The following SEC14L4 variants were observed in gnomAD, a reference collection of about 807,000 sequenced individuals.
SEC14L4 encodes SEC14-like protein 4.
A neutral mutation model predicts 55.1 loss-of-function variants in SEC14L4; 42 were observed. The observed-to-expected ratio is 0.76, with a 90% CI of 0.60 to 0.99. SEC14L4 has a LOEUF of 0.99. Ranked by LOEUF, SEC14L4 falls within the 50% of genes least tolerant of loss-of-function variation. SEC14L4 has a pLI of 0.00. For synonymous variants in SEC14L4, 206 were observed against 206.8 expected (o/e 1.00, Z 0.03); for missense variants, 445 against 512.1 (o/e 0.87, Z 1.27).
At chr22:30,494,520 A>G (rs1474617605) in intron 6 of SEC14L4, among the ~76,000 whole-genome samples, 1 of 152,144 alleles carries the variant, frequency 6.6e-6, no homozygotes, top group Non-Finnish European at 1.5e-5. Context: ...GGCACGTGCC[A>G]CTGCACTGGG....
Position 30,505,582 on chromosome 22 carries a change from G to T in SEC14L4, c.30C>A (p.Pro10=). ...CCCTGGCCAGCGCTTCCTGCTGCTG[G>T]GGGCTCAGGTCCCCGACTCGGCTGC... MSSRVGDLS[P]QQQEALARFR... is the part of the protein sequence containing the mutation. Residue 10 remains proline, a synonymous_variant, in exon 1 of 12, where the codon CCC becomes CCA. Transcript: ENST00000255858. 1 of 1,570,500 alleles carries T rather than the reference G, an allele frequency of 6.4e-7. No individual in the cohort carries two copies. The highest frequency in any genetic ancestry group is 8.6e-7 in the Non-Finnish European group (1 of 1,161,084).
chr22:30,505,535 T>C (rs1387394037), intron 1 of SEC14L4, 23 bp downstream of exon 1: 1 of 1,556,224 alleles, frequency 6.4e-7, no homozygotes, highest in Non-Finnish European at 8.7e-7. Flanking sequence ...TCCTCAAGCC[T>C]CCCAGCCCGC....
chr22:30,500,783 T>TTTTTTTTTTTA (rs1936294415), intron 2 of SEC14L4, among the ~76,000 whole-genome samples: 1 of 141,010 alleles, frequency 7.1e-6, no homozygotes, highest in African/African-American at 2.7e-5. Context: ...TTTTTTTTTT[T>TTTTTTTTTTTA]AGTAACACCT....
At chr22:30,493,374 T>C (rs532673045) in intron 7 of SEC14L4, among the ~76,000 whole-genome samples, 1 of 152,274 alleles carries the variant, frequency 6.6e-6, no homozygotes, top group South Asian at 2.1e-4. Context: ...ATAGTTATCT[T>C]TGAGGAGGGG....
Position 30,494,150 on chromosome 22 carries a change from C to T in SEC14L4, c.580G>A (p.Ala194Thr), listed in dbSNP as rs1469330494. The T allele has an allele frequency of 6.2e-7, 1 of 1,612,624 alleles. No homozygotes were observed. ...GAGGTCATCCCGGTCATGGGCTTAC[C>T]TCGAATAACAATTAAATTCTTCAGG... ...ETLKNLIVIR[A>T]PKLFPVAFNL... Residue 194 changes from alanine to threonine, a missense_variant and splice_region_variant, in exon 7 of 12, where the codon GCC becomes ACC. Physicochemically the swap from Ala to Thr is moderately conservative, Grantham distance 58. Transcript: ENST00000255858.
At chr22:30,494,704 C>T (rs1979763267) in intron 6 of SEC14L4, among the ~76,000 whole-genome samples, 162 bp downstream of exon 6, 1 of 152,130 alleles carries the variant, frequency 6.6e-6, no homozygotes, top group Non-Finnish European at 1.5e-5. Flanking sequence ...CCCCTTTCTC[C>T]GTGGAGGGTG....
intron 2 of SEC14L4, among the ~76,000 whole-genome samples, chr22:30,497,716 T>C (rs1456032068): frequency 6.6e-6 from 1 of 152,160 alleles, no homozygotes; most frequent in Non-Finnish European, 1.5e-5. Context: ...CTCTTGTCAA[T>C]GTGGCAATTC....
At chr22:30,504,351 G>A (rs751269433) in intron 1 of SEC14L4, among the ~76,000 whole-genome samples, 71 of 152,098 alleles carry the variant, frequency 4.7e-4, no homozygotes, top group Admixed American at 1.9e-3. Flanking sequence ...CACCATGCCC[G>A]ACTGACAGCC....
At chr22:30,492,624 A>G (rs1217350357) in intron 7 of SEC14L4, 67 bp from the exon 8 acceptor site, 1 of 1,260,948 alleles carries the variant, frequency 7.9e-7, no homozygotes, top group Non-Finnish European at 1.2e-6. Flanking sequence ...AGCCACAGCC[A>G]AGAGCAGGTG....
rs779847306 is a variant in SEC14L4, at chr22:30,492,053, G to A, written c.767C>T (p.Thr256Ile). The change falls in exon 9 of 12, where the codon ACC becomes ATC. Residue 256 changes from threonine to isoleucine, a missense_variant. By Grantham distance (89) the Thr-to-Ile change is moderately conservative. Transcript: ENST00000255858. The stretch of plus-strand genomic sequence containing the variant: ...CATCCTCTGGGCACCCTGTACCTTG[G>A]TCAGGCACTTGGGGTTGCCATCGGG... ...TDPDGNPKCL[T>I]KINYGGEVPK... 3 of 1,613,798 alleles carry A rather than the reference G, an allele frequency of 1.9e-6. No individual in the cohort carries two copies. Among genetic ancestry groups the A allele is most frequent in the South Asian group, 2.2e-5 (2 of 91,050 alleles).
At chr22:30,500,112 C>T (rs372931674) in intron 2 of SEC14L4, among the ~76,000 whole-genome samples, 6 of 152,032 alleles carry the variant, frequency 3.9e-5, no homozygotes, top group South Asian at 2.1e-4. Flanking sequence ...TCAGGTGATC[C>T]GCCCACCTCG....
intron 2 of SEC14L4, among the ~76,000 whole-genome samples, chr22:30,500,673 A>G (rs527288269): frequency 6.8e-6 from 1 of 146,364 alleles, no homozygotes; most frequent in Admixed American, 7.0e-5. Context: ...GCTATAGGAG[A>G]TTTTTCAGTT....
At chr22:30,490,402 A>T in intron 11 of SEC14L4, 156 bp from the exon 12 acceptor site, 1 of 1,249,040 alleles carries the variant, frequency 8.0e-7, no homozygotes, top group Admixed American at 2.4e-5. Context: ...TGTCCAGGAC[A>T]GTGGGTGGGG....
At chr22:30,493,065 G>C (rs1936017015) in intron 7 of SEC14L4, among the ~76,000 whole-genome samples, 8 of 141,924 alleles carry the variant, frequency 5.6e-5, no homozygotes, top group Middle Eastern at 3.5e-3. Flanking sequence ...GCCTGGGTGA[G>C]AGAGTGAGAT....
chr22:30,495,353 G>T lies in SEC14L4; in HGVS notation c.324C>A (p.Pro108=). The part of the protein sequence containing the change: ...VYFNIIGSLD[P]KGLLLSASKQ... The stretch of plus-strand genomic sequence containing the variant: ...TGGAGGCTGACAGCAGGAGACCCTT[G>T]GGGTCGAGGGACCCAATGATGTTGA... The change falls in exon 5 of 12, where the codon CCC becomes CCA. Residue 108 remains proline, a synonymous_variant. Coordinates refer to ENST00000255858, the MANE Select transcript of SEC14L4 (RefSeq NM_174977.4). 6.2e-7 allele frequency: 1 copy of T among 1,614,032 alleles called. No homozygotes were observed. Among genetic ancestry groups the T allele is most frequent in the Non-Finnish European group, 8.5e-7 (1 of 1,179,978 alleles).
intron 2 of SEC14L4, among the ~76,000 whole-genome samples, chr22:30,498,274 C>T (rs952042985): frequency 1.3e-5 from 2 of 151,924 alleles, no homozygotes; most frequent in Admixed American, 1.3e-4. Flanking sequence ...AGGCATGCAC[C>T]GCCATGCCTG....
rs755723560 is a variant in SEC14L4 at position 30,492,047 on chromosome 22, A to G, written c.771+2T>C. The G allele has an allele frequency of 8.1e-6, 13 of 1,613,484 alleles. No homozygotes were observed. Among genetic ancestry groups the G allele is most frequent in the Non-Finnish European group, 1.1e-5 (13 of 1,179,770 alleles). The stretch of plus-strand genomic sequence containing the variant: ...CTTCCCCATCCTCTGGGCACCCTGT[A>G]CCTTGGTCAGGCACTTGGGGTTGCC... On this transcript the variant is annotated splice_donor_variant, in intron 9 of 11. Coordinates refer to ENST00000255858, the MANE Select transcript of SEC14L4 (RefSeq NM_174977.4). LOFTEE classifies it high-confidence loss of function.
Position 30,503,748 on chromosome 22 carries a change from C to G in SEC14L4, c.59G>C (p.Arg20Pro). ...PQQQEALARF[R>P]ENLQDLLPIL... ...GGGCAGCAGGTCCTGGAGGTTCTCC[C>G]GGAACTGAGCGGAGGAGGATCTGAT... is the stretch of plus-strand genomic sequence containing the variant. The change falls in exon 2 of 12, where the codon CGG becomes CCG. Residue 20 changes from arginine to proline, a missense_variant. Physicochemically the swap from Arg to Pro is moderately radical, Grantham distance 103 (BLOSUM62 -2). Coordinates refer to ENST00000255858, the MANE Select transcript of SEC14L4 (RefSeq NM_174977.4). The G allele has an allele frequency of 6.2e-7, 1 of 1,610,940 alleles. No individual in the cohort carries two copies. The highest frequency in any genetic ancestry group is 8.5e-7 in the Non-Finnish European group (1 of 1,178,006).
rs747391470 is a variant in SEC14L4 at position 30,490,149 on chromosome 22, C to T, written c.1179G>A (p.Thr393=). Reference sequence around the variant, plus strand: ...GTCTCATCGCCTTGAGACTCTGCAGCGTCTCCTCAGAGGCCTTGTCGGGAA... The same window carrying T: ...GTCTCATCGCCTTGAGACTCTGCAGTGTCTCCTCAGAGGCCTTGTCGGGAA... ...VLLPDKASEE[T]LQSLKAMRPS... is the part of the protein sequence containing the mutation. Residue 393 remains threonine, a synonymous_variant, in exon 12 of 12, where the codon ACG becomes ACA. Coordinates refer to ENST00000255858, the MANE Select transcript of SEC14L4 (RefSeq NM_174977.4). The T allele has an allele frequency of 1.4e-5, 23 of 1,614,094 alleles. No homozygotes were observed. The highest frequency in any genetic ancestry group is 1.3e-4 in the African/African-American group (10 of 75,036).
Sources: gnomAD v4.1 joint callset for allele counts (sites outside exome capture counted in the v4.1 genomes callset) on GRCh38, gnomAD v4.1.1 for gene constraint, MANE v1.5 for transcripts, NCBI Gene and HGNC (gene_info 2026-07-23, HGNC 2026-07-21) for gene names.